IRAK2: variants seen among roughly 807,000 people sequenced by gnomAD.
IRAK2 encodes the protein interleukin-1 receptor-associated kinase-like 2.
In IRAK2, 57 loss-of-function variants were observed where a neutral mutation model predicts 72.0. The observed-to-expected ratio is 0.79, with a 90% CI of 0.64 to 0.99. IRAK2 has a LOEUF of 0.99. IRAK2 is among the 50% of genes least tolerant of loss of function. The probability of loss-of-function intolerance (pLI) is 0.00; values close to 1 mark genes in which losing one functional copy is unlikely to be tolerated. For synonymous variants in IRAK2, 293 were observed against 312.7 expected (o/e 0.94, Z 0.67); for missense variants, 790 against 794.4 (o/e 0.99, Z 0.07).
At chr3:10,178,559 T>C in intron 2 of IRAK2, among the ~76,000 whole-genome samples, 1 of 152,148 alleles carries the variant, frequency 6.6e-6, no homozygotes, top group Non-Finnish European at 1.5e-5. Flanking sequence ...AGGGAGACTT[T>C]ACTGTAAATT....
chr3:10,236,584 G>T (rs886599781), intron 11 of IRAK2, among the ~76,000 whole-genome samples: 2 of 152,038 alleles, frequency 1.3e-5, no homozygotes, highest in East Asian at 3.9e-4. Context: ...CTGACCTCAG[G>T]TGATCCACCT....
At chr3:10,173,233 C>A (rs1406853476) in intron 1 of IRAK2, among the ~76,000 whole-genome samples, 1 of 152,058 alleles carries the variant, frequency 6.6e-6, no homozygotes. Context: ...GGATTTGAAC[C>A]CAGGCCCCGA....
chr3:10,190,725 C>G (rs749543292), intron 2 of IRAK2, among the ~76,000 whole-genome samples: 4 of 152,192 alleles, frequency 2.6e-5, no homozygotes, highest in Non-Finnish European at 4.4e-5. Flanking sequence ...AAGTTTTGGA[C>G]ACATACTCAG....
At position 10,210,476 on chromosome 3, in the gene IRAK2, CT is replaced by C. The variant is rs532230231; in HGVS notation, c.528+786del. Among the ~76,000 whole-genome samples the C allele has an allele frequency of 9.2e-5, 14 of 152,298 alleles. No individual in the cohort carries two copies. The South Asian group carries it at 1.0e-3, about 11-fold the overall frequency. On this transcript the variant is annotated intron_variant, in intron 4 of 12. Transcript: ENST00000256458. Reference sequence around the variant, plus strand: ...TTGACTCTAAAAGTCCATTTATTTTCTTCTGATTTTAAAATAAATTAAAATG... The same window carrying C: ...TTGACTCTAAAAGTCCATTTATTTTCTCTGATTTTAAAATAAATTAAAATG...
Position 10,217,048 on chromosome 3 carries a change from G to C in IRAK2, c.903G>C (p.Gln301His). 6.2e-7 allele frequency: 1 copy of C among 1,602,582 alleles called. No individual in the cohort carries two copies. The highest frequency in any genetic ancestry group is 8.6e-7 in the Non-Finnish European group (1 of 1,169,518). Reference sequence around the variant, plus strand: ...CCCTACAGGACAGACTGCAGGGTCAGGTAAGGGACTGGGTCATGGTCAGAG... The same window carrying C: ...CCCTACAGGACAGACTGCAGGGTCACGTAAGGGACTGGGTCATGGTCAGAG... Reference protein sequence around the residue: ...NGSLQDRLQGQGGSDPLPWPQ... With the variant: ...NGSLQDRLQGHGGSDPLPWPQ... The change falls in exon 7 of 13, where the codon CAG becomes CAC. Residue 301 changes from glutamine (Q) to histidine (H), a missense_variant and splice_region_variant. Coordinates refer to ENST00000256458, the MANE Select transcript of IRAK2 (RefSeq NM_001570.4).
intron 7 of IRAK2, among the ~76,000 whole-genome samples, chr3:10,217,470 A>G (rs1178017708): frequency 6.6e-6 from 1 of 152,212 alleles, no homozygotes; most frequent in South Asian, 2.1e-4. Context: ...GTAGGACAAG[A>G]AAAAGAATTA....
rs559223802 is a variant in IRAK2, at chr3:10,221,560, A to ATT, written c.1014-1068_1014-1067dup. Among the ~76,000 whole-genome samples the ATT allele has an allele frequency of 4.8e-3, 714 of 148,682 alleles. 8 individuals carry two copies. Among genetic ancestry groups the ATT allele is most frequent in the African/African-American group, 0.015 (617 of 40,240 alleles). On this transcript the variant is annotated intron_variant, in intron 8 of 12. Coordinates refer to ENST00000256458, the MANE Select transcript of IRAK2 (RefSeq NM_001570.4). ...GAGCCACCGCGCCTGGCCAAAAAAA[A>ATT]TTTTTTTTTGAGACAGGGCCTTGCT...
chr3:10,171,659 G>A (rs1696795642), intron 1 of IRAK2, among the ~76,000 whole-genome samples: 1 of 148,790 alleles, frequency 6.7e-6, no homozygotes, highest in Non-Finnish European at 1.5e-5. Flanking sequence ...ACTTTGGGAG[G>A]CCTAGGTGGG....
rs1166150215 is a variant in IRAK2, at chr3:10,177,951, ACCGTCCAGCAACT to A, written c.209_221del (p.Thr70MetfsTer18). ...GTGGTGGTGGGGCATGCGGCAGGCC[ACCGTCCAGCAACT>A]TGTGGACCTCCTGTGCCGCCTGGAG... On this transcript the variant is annotated frameshift_variant, in exon 2 of 13. Coordinates refer to ENST00000256458, the MANE Select transcript of IRAK2 (RefSeq NM_001570.4). LOFTEE classifies it high-confidence loss of function. 6.2e-7 allele frequency: 1 copy of A among 1,613,664 alleles called. No individual in the cohort carries two copies. Among genetic ancestry groups the A allele is most frequent in the Non-Finnish European group, 8.5e-7 (1 of 1,180,014 alleles).
chr3:10,170,319 G>C (rs943715397), intron 1 of IRAK2, among the ~76,000 whole-genome samples: 3 of 152,300 alleles, frequency 2.0e-5, no homozygotes, highest in Admixed American at 6.5e-5. Context: ...GAGAATCCAG[G>C]ATAATCTCAT....
chr3:10,234,576 G>C lies in IRAK2; in HGVS notation c.1390G>C (p.Gly464Arg), dbSNP rs774450258. The C allele has an allele frequency of 1.2e-5, 19 of 1,613,842 alleles. No homozygotes were observed. The highest frequency in any genetic ancestry group is 6.7e-5 in the Admixed American group (4 of 60,010). Reference sequence around the variant, plus strand: ...CCAGAAGTACCTGGAGAAGGGCGCAGGGAGGCTTCCGGAGGACTGCGCCGA... The same window carrying C: ...CCAGAAGTACCTGGAGAAGGGCGCACGGAGGCTTCCGGAGGACTGCGCCGA... ...ICQKYLEKGA[G>R]RLPEDCAEAL... is the part of the protein sequence containing the mutation. The change falls in exon 11 of 13, where the codon GGG (glycine) becomes CGG (arginine). Residue 464 changes from glycine to arginine, a missense_variant. Physicochemically the swap from Gly to Arg is moderately radical, Grantham distance 125. Transcript: ENST00000256458.
chr3:10,213,647 C>T (rs1166468684), intron 6 of IRAK2, 99 bp downstream of exon 6: 1 of 876,702 alleles, frequency 1.1e-6, no homozygotes, highest in African/African-American at 1.7e-5. Context: ...TATATAAACT[C>T]ATTTAGTCCT....
chr3:10,194,836 T>TG (rs1049954376), intron 2 of IRAK2, among the ~76,000 whole-genome samples: 4 of 152,206 alleles, frequency 2.6e-5, no homozygotes, highest in Admixed American at 6.5e-5. Flanking sequence ...CTTGAGAAGA[T>TG]GGGGGTTTCA....
At chr3:10,206,736 A>G (rs187560325) in intron 3 of IRAK2, among the ~76,000 whole-genome samples, 37 of 151,934 alleles carry the variant, frequency 2.4e-4, no homozygotes, top group African/African-American at 8.7e-4. Context: ...TTGTATTTTT[A>G]GTAGAGACAG....
rs1559449326 is a variant in IRAK2 at position 10,215,416 on chromosome 3, T to TAAA, written c.789-1516_789-1515insAAA. Among the ~76,000 whole-genome samples, 159 of 134,144 alleles carry TAAA rather than the reference T, an allele frequency of 1.2e-3. 2 individuals carry two copies. The highest frequency in any genetic ancestry group is 1.5e-3 in the Non-Finnish European group (95 of 63,182). 88.0% of individuals were successfully genotyped at this position (134,144 alleles called of 152,430 possible). A position where few individuals can be genotyped will look rare whatever the true frequency, so the allele number is the denominator to read the frequency against. On this transcript the variant is annotated intron_variant, in intron 6 of 12. Transcript: ENST00000256458. The stretch of plus-strand genomic sequence containing the variant: ...CTCAAAAAAAAAAAAAAAAAAAAAT[T>TAAA]AATTAATTAATTAAAAAGTAAAACA...
Position 10,188,404 on chromosome 3 carries a change from G to A in IRAK2, c.277+10384G>A, listed in dbSNP as rs141792735. On this transcript the variant is annotated intron_variant, in intron 2 of 12. Transcript: ENST00000256458. Reference sequence around the variant, plus strand: ...GGCTGGAGTGCCATGGCTCGATCTCGGCTCACTGCAACCTCCGCCTCCCGG... The same window carrying A: ...GGCTGGAGTGCCATGGCTCGATCTCAGCTCACTGCAACCTCCGCCTCCCGG... Among the ~76,000 whole-genome samples the A allele has an allele frequency of 6.8e-3, 1,031 of 152,288 alleles. 28 individuals are homozygous for A. The South Asian group carries it at 0.083, about 12-fold the overall frequency.
At chr3:10,200,285 A>T (rs1697335964) in intron 2 of IRAK2, 84 bp from the exon 3 acceptor site, 1 of 1,213,750 alleles carries the variant, frequency 8.2e-7, no homozygotes, top group Non-Finnish European at 1.2e-6. Context: ...ATTAGAACCC[A>T]GGTCTCTGAC....
At chr3:10,240,576 TGAGACAGTG>T in intron 12 of IRAK2, among the ~76,000 whole-genome samples, 1 of 102,422 alleles carries the variant, frequency 9.8e-6, no homozygotes, top group Non-Finnish European at 1.8e-5. Context: ...TTTTTTGTTT[TGAGACAGTG>T]TTTCACTCTT....
chr3:10,226,465 T>C (rs139550475), intron 10 of IRAK2, 32 bp downstream of exon 10: 2 of 1,585,972 alleles, frequency 1.3e-6, no homozygotes, highest in African/African-American at 1.3e-5. Flanking sequence ...GGCTGGGAGG[T>C]ATATTTGGGC....
Sources: allele counts gnomAD v4.1 joint callset (sites outside exome capture counted in the v4.1 genomes callset), GRCh38; gene constraint gnomAD v4.1.1; transcripts MANE v1.5; gene names NCBI Gene and HGNC (gene_info 2026-07-23, HGNC 2026-07-21).